The following CROCC2 variants were observed in gnomAD, a reference collection of about 807,000 sequenced individuals.
CROCC2 encodes the protein ciliary rootlet coiled-coil, rootletin family member 2.
Under a neutral mutation model 177.6 loss-of-function variants are expected in CROCC2, and 163 were observed. The ratio of observed to expected loss-of-function variants is 0.92; its 90% CI spans 0.81 to 1.05. CROCC2 has a LOEUF of 1.05. Ranked by LOEUF, CROCC2 falls within the 50% of genes least tolerant of loss-of-function variation. The pLI, the probability that CROCC2 is intolerant of heterozygous loss-of-function variation, is 0.00. For synonymous variants in CROCC2, 904 were observed against 787.3 expected, an observed-to-expected ratio of 1.15 and a Z score of -2.48; for missense variants, 1,929 against 1,797.8, an observed-to-expected ratio of 1.07 and a Z score of -1.32.
intron 5 of CROCC2, among the ~76,000 whole-genome samples, chr2:240,929,907 CACCTCCATGCACGCAGGCTGGCCTGGGAG>C (rs1465914962): frequency 6.6e-6 from 1 of 152,224 alleles, no homozygotes; most frequent in Non-Finnish European, 1.5e-5. Context: ...CCCACCCTCC[CACCTCCATGCACGCAGGCTGGCCTGGGAG>C]GGCTGGATGT....
At chr2:240,920,303 A>T (rs1437918290) in intron 3 of CROCC2, among the ~76,000 whole-genome samples, 169 bp downstream of exon 3, 1 of 152,206 alleles carries the variant, frequency 6.6e-6, no homozygotes, top group African/African-American at 2.4e-5. Flanking sequence ...ACAGACAGGG[A>T]AACTGAGGCA....
At chr2:240,909,304 T>C (rs1434453793) in intron 1 of CROCC2, among the ~76,000 whole-genome samples, 1 of 147,768 alleles carries the variant, frequency 6.8e-6, no homozygotes, top group Non-Finnish European at 1.5e-5. Flanking sequence ...GGGTGACCTC[T>C]ACCTCCTCCA....
intron 15 of CROCC2, among the ~76,000 whole-genome samples, chr2:240,946,846 G>A (rs1050822951): frequency 6.6e-6 from 1 of 152,244 alleles, no homozygotes; most frequent in African/African-American, 2.4e-5. Context: ...CCTGATCCCA[G>A]GCTTGGGCTG....
chr2:240,948,650 G>A (rs2059536516), intron 15 of CROCC2, among the ~76,000 whole-genome samples: 1 of 152,180 alleles, frequency 6.6e-6, no homozygotes, highest in African/African-American at 2.4e-5. Context: ...GTGTTGGTGT[G>A]TGCTCCAGGT....
chr2:240,968,740 G>C (rs958894929), intron 27 of CROCC2, among the ~76,000 whole-genome samples: 2 of 152,252 alleles, frequency 1.3e-5, no homozygotes, highest in African/African-American at 4.8e-5. Context: ...CTCAGGAAGG[G>C]CTGAAGTCAG....
At chr2:240,932,597 G>A (rs892974119) in intron 8 of CROCC2, 105 bp from the exon 9 acceptor site, 5 of 701,606 alleles carry the variant, frequency 7.1e-6, no homozygotes, top group African/African-American at 7.0e-5. Context: ...CAGTGGCAAA[G>A]GTGGAGGTAG....
At chr2:240,976,126 C>A (rs567548375) in intron 27 of CROCC2, among the ~76,000 whole-genome samples, 1 of 152,236 alleles carries the variant, frequency 6.6e-6, no homozygotes, top group Non-Finnish European at 1.5e-5. Flanking sequence ...ATGCTGGCTC[C>A]AAGACCGGGC....
chr2:240,934,523 C>T (rs2059455126), intron 12 of CROCC2, 48 bp downstream of exon 12: 2 of 1,507,376 alleles, frequency 1.3e-6, no homozygotes, highest in Non-Finnish European at 8.9e-7. Flanking sequence ...TCTGCCCCCA[C>T]CCACCCTGGC....
intron 5 of CROCC2, among the ~76,000 whole-genome samples, chr2:240,927,275 G>A (rs571809408): frequency 5.3e-5 from 8 of 152,300 alleles, no homozygotes; most frequent in Non-Finnish European, 8.8e-5. Context: ...GTGTCTGCGT[G>A]TAGATTTATT....
At chr2:240,927,133 G>A (rs1389481766) in intron 5 of CROCC2, among the ~76,000 whole-genome samples, 1 of 152,210 alleles carries the variant, frequency 6.6e-6, no homozygotes, top group East Asian at 1.9e-4. Context: ...TTCTCCTTCC[G>A]CTGCTGCTGT....
Position 240,953,026 on chromosome 2 carries a change from A to T in CROCC2, c.2829+2516A>T, listed in dbSNP as rs2059566448. Among the ~76,000 whole-genome samples, 1 of 152,152 alleles carries T rather than the reference A, an allele frequency of 6.6e-6. No homozygotes were observed. The highest frequency in any genetic ancestry group is 1.5e-5 in the Non-Finnish European group (1 of 68,032). The stretch of plus-strand genomic sequence containing the variant: ...ACGCAGCCCCTCATTCCCATCCGAG[A>T]CCAACCACTGGGCAACGTGGCCTGT... On this transcript the variant is annotated intron_variant, in intron 18 of 31. Transcript: ENST00000690015. The surrounding 1 kb of genome is among the most constrained non-coding windows in gnomAD (Gnocchi z 4.0).
In CROCC2 at chr2:240,949,074, G is replaced by A. The variant is rs1228017039; in HGVS notation, c.2459G>A (p.Gly820Glu). The A allele has an allele frequency of 3.9e-5, 60 of 1,546,470 alleles. No homozygotes were observed. Among genetic ancestry groups the A allele is most frequent in the Non-Finnish European group, 5.1e-5 (59 of 1,145,826 alleles). ...CTGGAGGAGGAAGCCCGGAGCGCAG[G>A]ACTCGCGCGGCAGGCCTTGCAAGGT... The part of the protein sequence containing the change: ...EQLEEEARSA[G>E]LARQALQVEM... The change falls in exon 16 of 32, where the codon GGA becomes GAA. Residue 820 changes from glycine to glutamate, a missense_variant. Coordinates refer to ENST00000690015, the MANE Select transcript of CROCC2 (RefSeq NM_001351305.2). The surrounding 1 kb of genome is among the most constrained non-coding windows in gnomAD (Gnocchi z 4.5).
At chr2:240,967,593 C>CA in intron 26 of CROCC2, 128 bp downstream of exon 26, 1 of 1,484,964 alleles carries the variant, frequency 6.7e-7, no homozygotes, top group Non-Finnish European at 9.0e-7. Flanking sequence ...AGCCTGGGGG[C>CA]AACACCCAAA....
intron 2 of CROCC2, among the ~76,000 whole-genome samples, chr2:240,919,679 C>T (rs972888329): frequency 1.3e-5 from 2 of 152,100 alleles, no homozygotes; most frequent in Non-Finnish European, 2.9e-5. Context: ...GAGTGCCCAG[C>T]GTCCAGGCCG....
At chr2:240,947,475 A>G (rs116146129) in intron 15 of CROCC2, among the ~76,000 whole-genome samples, 5,674 of 152,218 alleles carry the variant, frequency 0.037, 325 homozygotes, top group African/African-American at 0.13. Flanking sequence ...ATCACAGGCC[A>G]CTGAACAGGG....
At chr2:240,925,577 G>T in intron 4 of CROCC2, 147 bp from the exon 5 acceptor site, 1 of 603,392 alleles carries the variant, frequency 1.7e-6, no homozygotes, top group Non-Finnish European at 3.0e-6. Flanking sequence ...GCAGGTGGGG[G>T]CAGAGCAGCG....
At chr2:240,942,317 T>C (rs527416946) in intron 14 of CROCC2, among the ~76,000 whole-genome samples, 1 of 152,316 alleles carries the variant, frequency 6.6e-6, no homozygotes, top group African/African-American at 2.4e-5. Context: ...AATCATCTTT[T>C]CACAAACATT....
At position 240,965,962 on chromosome 2, in the gene CROCC2, C is replaced by A; in HGVS notation, c.3930C>A (p.Ala1310=). The part of the protein sequence containing the change: ...GLGLQRQSPW[A]SPEQPGSPTK... ...GGCTCCAGAGACAGAGCCCGTGGGCCTCCCCGGAGCAGCCTGGTTCCCCCA... is the reference window on the plus strand; with the variant it reads ...GGCTCCAGAGACAGAGCCCGTGGGCATCCCCGGAGCAGCCTGGTTCCCCCA... The change falls in exon 24 of 32, where the codon GCC becomes GCA. Residue 1310 remains alanine, a synonymous_variant. Coordinates refer to ENST00000690015, the MANE Select transcript of CROCC2 (RefSeq NM_001351305.2). 1.4e-6 allele frequency: 2 copies of A among 1,383,978 alleles called. No homozygotes were observed. The highest frequency in any genetic ancestry group is 1.9e-6 in the Non-Finnish European group (2 of 1,075,380). 85.7% of individuals were successfully genotyped at this position (1,383,978 alleles called of 1,614,324 possible).
chr2:240,933,885 T>A, intron 11 of CROCC2, 33 bp downstream of exon 11: 4 of 1,530,844 alleles, frequency 2.6e-6, no homozygotes, highest in Middle Eastern at 2.3e-4. Context: ...GCAGGGCCCC[T>A]CCCACAGAAG....
Sources: gnomAD v4.1 joint callset for allele counts (sites outside exome capture counted in the v4.1 genomes callset) on GRCh38, gnomAD v4.1.1 for gene constraint, Gnocchi (gnomAD v3.1) non-coding constraint, MANE v1.5 for transcripts, NCBI Gene and HGNC (gene_info 2026-07-23, HGNC 2026-07-21) for gene names.